MROH1: variants seen among roughly 807,000 people sequenced by gnomAD.
MROH1 encodes the protein maestro heat like repeat family member 1.
A neutral mutation model predicts 116.5 loss-of-function variants in MROH1; 117 were observed. The observed-to-expected ratio is 1.00, with a 90% CI of 0.86 to 1.17. The LOEUF (loss-of-function observed/expected upper bound fraction) is 1.17, where lower values mean the gene tolerates loss of function less well. Ranked by LOEUF, MROH1 falls within the 50% of genes most tolerant of loss-of-function variation. The pLI is 0.00. For missense variants in MROH1, 1,873 were observed against 1,338.5 expected (o/e 1.40, Z -6.23); for synonymous variants, 921 against 583.9 (o/e 1.58, Z -8.32).
intron 39 of MROH1, 90 bp downstream of exon 39, chr8:144,260,464 T>C (rs1844822921): frequency 5.7e-6 from 4 of 696,884 alleles, no homozygotes; most frequent in East Asian, 2.7e-5. Flanking sequence ...CCCTCCTCCC[T>C]GTCTCCCACC....
intron 11 of MROH1, 141 bp from the exon 12 acceptor site, chr8:144,200,287 C>A: frequency 1.5e-6 from 1 of 652,618 alleles, no homozygotes; most frequent in Non-Finnish European, 2.6e-6. Flanking sequence ...GAGCCAGGCC[C>A]AGCGATTAGG....
intron 4 of MROH1, chr8:144,175,074 T>C (rs1240439551): frequency 1.3e-5 from 13 of 985,438 alleles, no homozygotes; most frequent in African/African-American, 1.7e-5. Context: ...GGAAGCATAA[T>C]GCAACTTGAG....
Position 144,199,213 on chromosome 8 carries a change from C to G in MROH1, c.1027+13C>G. On this transcript the variant is annotated intron_variant, in intron 11 of 43. Coordinates refer to ENST00000326134, the MANE Select transcript of MROH1 (RefSeq NM_032450.3). Reference sequence around the variant, plus strand: ...TTCACTGTGCTGGGTGAGTGGTGGGCCCAGCTTTGCCCATGGGCATCTGTG... The same window carrying G: ...TTCACTGTGCTGGGTGAGTGGTGGGGCCAGCTTTGCCCATGGGCATCTGTG... The G allele has an allele frequency of 1.2e-6, 2 of 1,609,414 alleles. No individual in the cohort carries two copies. Among genetic ancestry groups the G allele is most frequent in the Non-Finnish European group, 1.7e-6 (2 of 1,177,972 alleles).
rs893377635 is a variant in MROH1 at position 144,216,878 on chromosome 8, C to T, written c.1142-3722C>T. Among the ~76,000 whole-genome samples the T allele has an allele frequency of 5.3e-5, 8 of 152,136 alleles. No homozygotes were observed. In the East Asian group the frequency reaches 7.8e-4, roughly 15 times the overall value. On this transcript the variant is annotated intron_variant, in intron 12 of 43. Coordinates refer to ENST00000326134, the MANE Select transcript of MROH1 (RefSeq NM_032450.3). ...CTAATTTTTGTATCTTTAGTAGAGACGGGGTTTCACCATGTTGGTCAGGCT... is the reference window on the plus strand; with the variant it reads ...CTAATTTTTGTATCTTTAGTAGAGATGGGGTTTCACCATGTTGGTCAGGCT...
At chr8:144,207,217 C>T (rs538535994) in intron 12 of MROH1, among the ~76,000 whole-genome samples, 3 of 151,454 alleles carry the variant, frequency 2.0e-5, no homozygotes, top group East Asian at 2.0e-4. Context: ...GAGATGGAGT[C>T]GTGCTCTGTC....
chr8:144,250,091 G>C, intron 32 of MROH1, 121 bp from the exon 33 acceptor site: 1 of 685,276 alleles, frequency 1.5e-6, no homozygotes, highest in Non-Finnish European at 2.7e-6. Context: ...GCTGGAACCA[G>C]CAGTATGGAG....
At chr8:144,234,670 C>A (rs1439979410) in intron 14 of MROH1, among the ~76,000 whole-genome samples, 10 of 149,058 alleles carry the variant, frequency 6.7e-5, no homozygotes, top group Non-Finnish European at 1.5e-4. Flanking sequence ...GCGCCCACCA[C>A]CATGTCTGGC....
intron 14 of MROH1, among the ~76,000 whole-genome samples, chr8:144,227,582 T>G (rs965153672): frequency 1.0e-4 from 15 of 149,602 alleles, no homozygotes; most frequent in African/African-American, 3.7e-4. Context: ...GAGGCAGAGG[T>G]TGCAGTGAGC....
At position 144,168,858 on chromosome 8, in the gene MROH1, G is replaced by A. The variant is rs116719285; in HGVS notation, c.168+418G>A. Among the ~76,000 whole-genome samples the A allele has an allele frequency of 7.1e-3, 1,082 of 152,328 alleles. 7 individuals carry two copies. The highest frequency in any genetic ancestry group is 0.025 in the African/African-American group (1,040 of 41,574). On this transcript the variant is annotated intron_variant, in intron 4 of 43. Transcript: ENST00000326134. Reference sequence around the variant, plus strand: ...CTCAGAGAGTCCCCAAGGGCCCGGCGCTGCTGGTCTTCCTGCACCCTCAGG... The same window carrying A: ...CTCAGAGAGTCCCCAAGGGCCCGGCACTGCTGGTCTTCCTGCACCCTCAGG...
intron 21 of MROH1, 62 bp from the exon 22 acceptor site, chr8:144,241,333 T>TGTGCGTGCATGTGTGGCA (rs1237459326): frequency 6.9e-6 from 5 of 724,502 alleles, no homozygotes; most frequent in Non-Finnish European, 1.3e-5. Flanking sequence ...CACGTGACAG[T>TGTGCGTGCATGTGTGGCA]GTGCGTGCAT....
Position 144,158,941 on chromosome 8 carries a change from G to C in MROH1, c.-176-2029G>C, listed in dbSNP as rs150082950. 3.3e-5 allele frequency among the ~76,000 whole-genome samples: 5 copies of C among 152,178 alleles called. No homozygotes were observed. In the East Asian group the frequency reaches 9.7e-4, roughly 30 times the overall value. On this transcript the variant is annotated intron_variant, in intron 1 of 43. Coordinates refer to ENST00000326134, the MANE Select transcript of MROH1 (RefSeq NM_032450.3). ...TTTTGTAGAGACAGGGCTTCGCTGT[G>C]TTACCCAGGCTGGTTTTGAACTCCT...
At chr8:144,192,582 G>T in intron 10 of MROH1, 181 bp downstream of exon 10, 1 of 707,704 alleles carries the variant, frequency 1.4e-6, no homozygotes, top group Non-Finnish European at 2.6e-6. Flanking sequence ...CTCTTGCCCT[G>T]CCCAGTAGTG....
chr8:144,180,143 G>A lies in MROH1; in HGVS notation c.301-35G>A, dbSNP rs752131100. The A allele has an allele frequency of 1.2e-6, 2 of 1,612,094 alleles. No homozygotes were observed. ...ACTGAGGGCAGAATGTCTTGGTCTT[G>A]CCTTTTGGTCTACCTGCCGGTGTTT... On this transcript the variant is annotated intron_variant, in intron 5 of 43. Transcript: ENST00000326134. The surrounding 1 kb of genome is among the most constrained non-coding windows in gnomAD (Gnocchi z 7.4).
At chr8:144,215,174 A>C (rs1381856431) in intron 12 of MROH1, among the ~76,000 whole-genome samples, 1 of 152,236 alleles carries the variant, frequency 6.6e-6, no homozygotes, top group Non-Finnish European at 1.5e-5. Context: ...TTAAGTTGAC[A>C]CTCAACTATC....
chr8:144,158,457 A>G (rs886905982), intron 1 of MROH1, among the ~76,000 whole-genome samples: 25 of 152,074 alleles, frequency 1.6e-4, no homozygotes, highest in African/African-American at 5.5e-4. Context: ...TGAACTCATT[A>G]TTTTTTTCCT....
chr8:144,260,027 G>A lies in MROH1; in HGVS notation c.4161G>A (p.Leu1387=). ...TGCGGAGGCTGGTGCTCCGCGGCCT[G>A]GCCAACCTGGCCTCCGGCTGCCCTG... ...ASVRRLVLRG[L]ANLASGCPDK... The change falls in exon 38 of 44, where the codon CTG becomes CTA. Residue 1387 remains leucine, a synonymous_variant. Transcript: ENST00000326134. The A allele has an allele frequency of 2.8e-6, 2 of 724,968 alleles. No homozygotes were observed. Among genetic ancestry groups the A allele is most frequent in the Non-Finnish European group, 5.0e-6 (2 of 396,930 alleles). The allele number at this position is 724,968 out of a possible 1,614,324, so 44.9% of individuals were successfully genotyped here.
chr8:144,170,574 A>G (rs779563778), intron 4 of MROH1, among the ~76,000 whole-genome samples: 1 of 152,238 alleles, frequency 6.6e-6, no homozygotes, highest in African/African-American at 2.4e-5. Flanking sequence ...GGCATGGTTC[A>G]AAGCCCACTG....
intron 12 of MROH1, among the ~76,000 whole-genome samples, chr8:144,212,789 C>T (rs1834431665): frequency 6.6e-6 from 1 of 151,904 alleles, no homozygotes; most frequent in South Asian, 2.1e-4. Context: ...TAGGGTTTCA[C>T]CATGTTGGCC....
At chr8:144,195,510 A>G (rs1261753894) in intron 10 of MROH1, among the ~76,000 whole-genome samples, 1 of 145,752 alleles carries the variant, frequency 6.9e-6, no homozygotes, top group Non-Finnish European at 1.5e-5. Flanking sequence ...TCAAAAAAAA[A>G]AAAAAAAAAA....
Sources: gnomAD v4.1 joint callset for allele counts (sites outside exome capture counted in the v4.1 genomes callset) on GRCh38, gnomAD v4.1.1 for gene constraint, Gnocchi (gnomAD v3.1) non-coding constraint, MANE v1.5 for transcripts, NCBI Gene and HGNC (gene_info 2026-07-23, HGNC 2026-07-21) for gene names.